Variants in NRXN1 observed in about 807,000 individuals in gnomAD.
NRXN1 encodes the protein neurexin-1.
In NRXN1, 39 loss-of-function variants were observed where a neutral mutation model predicts 150.9. The ratio of observed to expected loss-of-function variants is 0.26; its 90% CI spans 0.20 to 0.34. The LOEUF is 0.34. Among genes scored for constraint, NRXN1 ranks in the 10% least tolerant of loss-of-function variants. The pLI, the probability that NRXN1 is intolerant of heterozygous loss-of-function variation, is 1.00. For synonymous variants in NRXN1, 924 were observed against 757.0 expected (o/e 1.22, Z -3.62); for missense variants, 1,815 against 1,949.9 (o/e 0.93, Z 1.30).
At chr2:50,274,950 G>A (rs1195535891) in intron 17 of NRXN1, among the ~76,000 whole-genome samples, 1 of 152,142 alleles carries the variant, frequency 6.6e-6, no homozygotes, top group Admixed American at 6.5e-5. Context: ...TGTGGCATGT[G>A]TTACAAAATT....
intron 5 of NRXN1, among the ~76,000 whole-genome samples, chr2:50,845,019 A>G (rs538278016): frequency 2.5e-4 from 38 of 152,108 alleles, no homozygotes; most frequent in Admixed American, 5.2e-4. Flanking sequence ...TCACCTAGCT[A>G]ATTTTCAAAA....
At chr2:50,677,017 G>T (rs1253857201) in intron 5 of NRXN1, among the ~76,000 whole-genome samples, 1 of 151,854 alleles carries the variant, frequency 6.6e-6, no homozygotes, top group Non-Finnish European at 1.5e-5. Flanking sequence ...CAGGGCAGAG[G>T]GTAGATCTAC....
At chr2:50,080,589 A>G (rs1231596926) in intron 19 of NRXN1, among the ~76,000 whole-genome samples, 1 of 152,164 alleles carries the variant, frequency 6.6e-6, no homozygotes, top group African/African-American at 2.4e-5. Context: ...GAAACCATGC[A>G]TTTTGGTTTT....
chr2:50,274,476 T>C (rs1003274392), intron 17 of NRXN1, among the ~76,000 whole-genome samples: 3 of 152,082 alleles, frequency 2.0e-5, no homozygotes, highest in Non-Finnish European at 4.4e-5. Flanking sequence ...GATGGGTTGA[T>C]GCGTGCAGCA....
At chr2:50,638,876 C>G (rs1683622046) in intron 5 of NRXN1, among the ~76,000 whole-genome samples, 3 of 152,148 alleles carry the variant, frequency 2.0e-5, no homozygotes. Context: ...ATCTTCCATT[C>G]AAGGGCTTTG....
chr2:50,045,888 T>A (rs1215614510), intron 21 of NRXN1, among the ~76,000 whole-genome samples: 1 of 152,154 alleles, frequency 6.6e-6, no homozygotes, highest in African/African-American at 2.4e-5. Flanking sequence ...AAAAGAGATA[T>A]CGAGAATCAT....
At chr2:50,090,248 T>C (rs1365047871) in intron 19 of NRXN1, among the ~76,000 whole-genome samples, 1 of 152,208 alleles carries the variant, frequency 6.6e-6, no homozygotes, top group African/African-American at 2.4e-5. Flanking sequence ...TGTGAGTCAG[T>C]ACTTGGGATA....
chr2:50,628,692 A>T (rs553585535), intron 5 of NRXN1, among the ~76,000 whole-genome samples: 52 of 151,810 alleles, frequency 3.4e-4, no homozygotes, highest in African/African-American at 1.1e-3. Context: ...ACAAGTCCCA[A>T]ATAACTTTTG....
intron 18 of NRXN1, among the ~76,000 whole-genome samples, chr2:50,232,994 T>C (rs549762568): frequency 6.6e-6 from 1 of 152,168 alleles, no homozygotes; most frequent in African/African-American, 2.4e-5. Flanking sequence ...CTTTTCTGTA[T>C]TGTAATCAGG....
chr2:50,298,866 C>A (rs2073884184), intron 17 of NRXN1, among the ~76,000 whole-genome samples: 1 of 152,124 alleles, frequency 6.6e-6, no homozygotes, highest in Non-Finnish European at 1.5e-5. Context: ...CTGTTGCTAA[C>A]CTCAAGTCAC....
intron 5 of NRXN1, chr2:50,919,985 A>C (rs1472404003): frequency 1.0e-5 from 4 of 398,660 alleles, no homozygotes; most frequent in Middle Eastern, 3.6e-4. Flanking sequence ...TCTGCTCTAG[A>C]ATATAGATTT....
At chr2:50,960,711 T>G (rs1419390417) in intron 2 of NRXN1, among the ~76,000 whole-genome samples, 1 of 151,922 alleles carries the variant, frequency 6.6e-6, no homozygotes, top group East Asian at 1.9e-4. Context: ...GAGTATTATT[T>G]ACACTCTGCC....
intron 17 of NRXN1, among the ~76,000 whole-genome samples, chr2:50,379,380 CAG>C (rs2080775795): frequency 6.6e-6 from 1 of 152,108 alleles, no homozygotes; most frequent in Non-Finnish European, 1.5e-5. Context: ...AAGAGACTGA[CAG>C]GGAATAATAA....
At chr2:50,789,475 T>C (rs1705631637) in intron 5 of NRXN1, among the ~76,000 whole-genome samples, 1 of 152,188 alleles carries the variant, frequency 6.6e-6, no homozygotes. Flanking sequence ...TATTGCTTCA[T>C]GCTATAGTAG....
intron 17 of NRXN1, among the ~76,000 whole-genome samples, chr2:50,362,176 T>C (rs540558933): frequency 4.6e-5 from 7 of 152,192 alleles, no homozygotes; most frequent in Non-Finnish European, 8.8e-5. Context: ...AGCATTCCCT[T>C]TGAAAACCGG....
chr2:50,776,357 G>A (rs1703635338), intron 5 of NRXN1, among the ~76,000 whole-genome samples: 2 of 151,918 alleles, frequency 1.3e-5, no homozygotes, highest in Admixed American at 6.6e-5. Flanking sequence ...ACATGTCCCT[G>A]ATTTGTCAGG....
chr2:50,729,085 C>A (rs1184595452), intron 5 of NRXN1, among the ~76,000 whole-genome samples: 3 of 152,070 alleles, frequency 2.0e-5, no homozygotes, highest in Admixed American at 1.3e-4. Context: ...GCATTATGAT[C>A]CCTCTAAAAT....
rs147446528 is a variant in NRXN1, at chr2:50,733,723, T to C, written c.833-110108A>G. ...AGAAGATTAATATTTGATAATACAG[T>C]CTTAATAATGGTCGACCATTGAAAA... On this transcript the variant is annotated intron_variant, in intron 5 of 22. Coordinates refer to ENST00000401669, the MANE Select transcript of NRXN1 (RefSeq NM_001330078.2). Among the ~76,000 whole-genome samples, 19 of 152,252 alleles carry C rather than the reference T, an allele frequency of 1.2e-4. No individual in the cohort carries two copies. In the East Asian group the frequency reaches 3.5e-3, roughly 28 times the overall value.
chr2:50,678,658 A>T (rs1027550395), intron 5 of NRXN1, among the ~76,000 whole-genome samples: 3 of 152,088 alleles, frequency 2.0e-5, no homozygotes, highest in African/African-American at 7.2e-5. Flanking sequence ...ATCACATATG[A>T]TCATGTCGCC....
Sources: allele counts gnomAD v4.1 joint callset (sites outside exome capture counted in the v4.1 genomes callset), GRCh38; gene constraint gnomAD v4.1.1; transcripts MANE v1.5; gene names NCBI Gene and HGNC (gene_info 2026-07-23, HGNC 2026-07-21).